The following EMC3 variants were observed in gnomAD, a reference collection of about 807,000 sequenced individuals.
EMC3 encodes ER membrane protein complex subunit 3, also known as 30 kDa protein.
A neutral mutation model predicts 36.6 loss-of-function variants in EMC3; 13 were observed. The ratio of observed to expected loss-of-function variants is 0.35; its 90% CI spans 0.23 to 0.56. EMC3 has a LOEUF of 0.56. Ranked by LOEUF, EMC3 falls within the 20% of genes least tolerant of loss-of-function variation. EMC3 has a pLI of 0.84. For missense variants in EMC3, 220 were observed against 324.5 expected (o/e 0.68, Z 2.47); for synonymous variants, 120 against 111.9 (o/e 1.07, Z -0.46).
intron 7 of EMC3, among the ~76,000 whole-genome samples, chr3:9,967,370 T>C (rs2085744476): frequency 6.6e-6 from 1 of 152,222 alleles, no homozygotes; most frequent in Non-Finnish European, 1.5e-5. Flanking sequence ...GTTGAACCAT[T>C]TGGACTTAAC....
intron 1 of EMC3, among the ~76,000 whole-genome samples, chr3:9,980,469 G>C (rs1471160448): frequency 6.6e-6 from 1 of 151,246 alleles, no homozygotes; most frequent in African/African-American, 2.4e-5. Context: ...GAGCTCAAGT[G>C]ATCCTCCCAT....
intron 1 of EMC3, among the ~76,000 whole-genome samples, chr3:9,997,526 AT>A (rs2086141783): frequency 6.6e-6 from 1 of 152,072 alleles, no homozygotes; most frequent in African/African-American, 2.4e-5. Flanking sequence ...GTGGCACGAT[AT>A]CAGCTTACCG....
rs903278544 is a variant in EMC3, at chr3:9,986,631, T to C, written c.31A>G (p.Asn11Asp). Residue 11 changes from asparagine to aspartate, a missense_variant, in exon 1 of 8, where the codon AAC becomes GAC. Transcript: ENST00000245046. MAGPELLLDS[N>D]IRLWVVLPIV... ...GGTAGGACCACCCAGAGGCGGATGT[T>C]GGAGTCGAGCAACAGTTCTGGCCCT... is the stretch of plus-strand genomic sequence containing the variant. The C allele has an allele frequency of 3.7e-6, 6 of 1,614,002 alleles. No individual in the cohort carries two copies. In the African/African-American group the frequency reaches 6.7e-5, roughly 18 times the overall value.
intron 1 of EMC3, among the ~76,000 whole-genome samples, chr3:10,002,146 A>T (rs1324743313): frequency 2.6e-5 from 4 of 152,042 alleles, no homozygotes. Flanking sequence ...ATGTTGTGGG[A>T]CTTTGATAAG....
At chr3:9,997,176 A>G (rs2086136081) in intron 1 of EMC3, among the ~76,000 whole-genome samples, 1 of 152,028 alleles carries the variant, frequency 6.6e-6, no homozygotes, top group East Asian at 1.9e-4. Context: ...GAATCATAAC[A>G]ATATGTATCC....
chr3:9,985,565 C>T (rs1033370461), intron 1 of EMC3, among the ~76,000 whole-genome samples: 5 of 152,146 alleles, frequency 3.3e-5, no homozygotes, highest in African/African-American at 9.7e-5. Context: ...AGATAACCAC[C>T]TATAATCATC....
rs771942557 is a variant in EMC3 at position 9,977,038 on chromosome 3, G to A, written c.226C>T (p.Arg76Ter). 1.9e-6 allele frequency: 3 copies of A among 1,597,342 alleles called. No individual in the cohort carries two copies. The highest frequency in any genetic ancestry group is 2.2e-5 in the East Asian group (1 of 44,730). Residue 76 changes from arginine (R) to a stop codon, truncating the protein, a stop_gained, in exon 3 of 8, where the codon CGA (arginine) becomes TGA (stop). Coordinates refer to ENST00000245046, the MANE Select transcript of EMC3 (RefSeq NM_001394674.1). LOFTEE classifies it high-confidence loss of function. ...TCTGGGTTGTTGAAATAATATTTTC[G>A]TGTCAAGAAAGACTAGTAAAAAAAA... ...KYIPKQSFLT[R>*]KYYFNNPEDG...
At position 9,964,106 on chromosome 3, in the gene EMC3, C is replaced by A. The variant is rs141689282; in HGVS notation, c.749G>T (p.Gly250Val). Reference sequence around the variant, plus strand: ...GGTCTGTAATTCCTTTTTGAACATGCCTTCGAAGTGGAGGTCTTTGGCCAT... The same window carrying A: ...GGTCTGTAATTCCTTTTTGAACATGACTTCGAAGTGGAGGTCTTTGGCCAT... ...ELMAKDLHFEGMFKKELQTSI... is the reference protein window; with the variant it reads ...ELMAKDLHFEVMFKKELQTSI... The change falls in exon 8 of 8, where the codon GGC becomes GTC. Residue 250 changes from glycine (G) to valine (V), a missense_variant. Around this residue, in one of 3 missense-constraint regions of EMC3, gnomAD observed 37 missense variants for 32.9 expected, o/e 1.13. Coordinates refer to ENST00000245046, the MANE Select transcript of EMC3 (RefSeq NM_001394674.1). The A allele has an allele frequency of 1.2e-6, 2 of 1,614,020 alleles. No homozygotes were observed. Among genetic ancestry groups the A allele is most frequent in the African/African-American group, 1.3e-5 (1 of 74,912 alleles).
At chr3:9,981,009 C>T (rs533250667) in intron 1 of EMC3, among the ~76,000 whole-genome samples, 8 of 152,128 alleles carry the variant, frequency 5.3e-5, no homozygotes, top group East Asian at 1.9e-4. Context: ...TCAAGAACAG[C>T]CTAGTCAACA....
At chr3:9,998,366 AAAT>A (rs35879571) in intron 1 of EMC3, among the ~76,000 whole-genome samples, 22,900 of 137,204 alleles carry the variant, frequency 0.17, 1,941 homozygotes, top group African/African-American at 0.22. Flanking sequence ...ACTCTGTCTC[AAAT>A]AATAATAATA....
chr3:10,000,898 C>G (rs1429664403), intron 1 of EMC3: 3 of 458,022 alleles, frequency 6.5e-6, no homozygotes, highest in Non-Finnish European at 1.3e-5. Context: ...CACGGTGTGG[C>G]ACTGGGCACA....
At chr3:10,002,009 A>G (rs1470084366) in intron 1 of EMC3, among the ~76,000 whole-genome samples, 1 of 151,744 alleles carries the variant, frequency 6.6e-6, no homozygotes, top group African/African-American at 2.4e-5. Flanking sequence ...GAAAAAATAC[A>G]TATATATATA....
chr3:9,963,903 T>C lies in EMC3; in HGVS notation c.*166A>G, dbSNP rs2085712520. 2.8e-6 allele frequency: 3 copies of C among 1,090,714 alleles called. No individual in the cohort carries two copies. Among genetic ancestry groups the C allele is most frequent in the South Asian group, 3.2e-5 (2 of 61,928 alleles). 67.6% of individuals were successfully genotyped at this position (1,090,714 alleles called of 1,614,324 possible). ...TTGCCCAGCATACTCCTATTTCCTCTAGTTTCAAACATAAAGGGGAACCCA... is the reference window on the plus strand; with the variant it reads ...TTGCCCAGCATACTCCTATTTCCTCCAGTTTCAAACATAAAGGGGAACCCA... On this transcript the variant is annotated 3_prime_UTR_variant, in exon 8 of 8. Coordinates refer to ENST00000245046, the MANE Select transcript of EMC3 (RefSeq NM_001394674.1).
chr3:9,995,637 G>A (rs56332224), intron 1 of EMC3, among the ~76,000 whole-genome samples: 32,381 of 150,814 alleles, frequency 0.21, 3,909 homozygotes, highest in African/African-American at 0.33. Flanking sequence ...CAATATGTTG[G>A]GAAAGATTCT....
At chr3:9,965,498 C>T (rs1016154857) in intron 7 of EMC3, among the ~76,000 whole-genome samples, 1 of 152,104 alleles carries the variant, frequency 6.6e-6, no homozygotes, top group Non-Finnish European at 1.5e-5. Flanking sequence ...AATGTTAGCT[C>T]ATGAGTGAGT....
intron 7 of EMC3, chr3:9,969,464 T>G: frequency 7.3e-7 from 1 of 1,371,732 alleles, no homozygotes; most frequent in Non-Finnish European, 9.4e-7. Flanking sequence ...CCGATTGGAT[T>G]ATTTTACAGC....
chr3:9,986,901 G>A, upstream of EMC3: 1 of 1,312,772 alleles, frequency 7.6e-7, no homozygotes, highest in Non-Finnish European at 9.8e-7. Context: ...GCGGCGTCGG[G>A]CCTGGCGGGA....
At chr3:9,983,331 A>T (rs1384844437) in intron 1 of EMC3, among the ~76,000 whole-genome samples, 1 of 152,006 alleles carries the variant, frequency 6.6e-6, no homozygotes, top group Non-Finnish European at 1.5e-5. Context: ...TATTTTTAGC[A>T]GAGATGGGGT....
In EMC3 at chr3:10,001,769, G is replaced by A. The variant is rs1302396855; in HGVS notation, c.-242+9254C>T. 5.3e-5 allele frequency among the ~76,000 whole-genome samples: 8 copies of A among 152,118 alleles called. No homozygotes were observed. The East Asian group carries it at 5.8e-4, about 11-fold the overall frequency. On this transcript the variant is annotated intron_variant, in intron 1 of 8. Coordinates refer to the EMC3 transcript ENST00000470827. ...TTCCAGCACTATGAGAGACCGAGGC[G>A]GGCAGATCACGAGTTCAGGAGACTG... is the stretch of plus-strand genomic sequence containing the variant.
Sources: gnomAD v4.1 joint callset for allele counts (sites outside exome capture counted in the v4.1 genomes callset) on GRCh38, gnomAD v4.1.1 for gene constraint, gnomAD v4.1.1 regional missense constraint, MANE v1.5 for transcripts, NCBI Gene and HGNC (gene_info 2026-07-23, HGNC 2026-07-21) for gene names.